The following DCN variants were observed in gnomAD, a reference collection of about 807,000 sequenced individuals.
DCN encodes bone proteoglycan II.
A neutral mutation model predicts 36.5 loss-of-function variants in DCN; 17 were observed. That is an observed-to-expected ratio of 0.47 (90% confidence interval 0.32 to 0.70). The LOEUF (loss-of-function observed/expected upper bound fraction) is 0.70. Among genes scored for constraint, DCN ranks in the 30% least tolerant of loss-of-function variants. The probability of loss-of-function intolerance (pLI) is 0.04; values close to 1 mark genes in which losing one functional copy is unlikely to be tolerated. For missense variants in DCN, 389 were observed against 430.1 expected (o/e 0.90, Z 0.84); for synonymous variants, 163 against 161.4 (o/e 1.01, Z -0.07).
intron 5 of DCN, among the ~76,000 whole-genome samples, chr12:91,156,473 G>C (rs1881777164): frequency 6.6e-6 from 1 of 152,140 alleles, no homozygotes. Context: ...CAGATAAAGA[G>C]ATAGAGGACA....
intron 6 of DCN, among the ~76,000 whole-genome samples, chr12:91,152,300 C>CATATATATATATATATATAT (rs139523647): frequency 3.4e-5 from 5 of 146,444 alleles, no homozygotes; most frequent in African/African-American, 1.3e-4. Flanking sequence ...CACACACATG[C>CATATATATATATATATATAT]ATATATATAT....
chr12:91,181,467 A>C (rs1868399656), intron 1 of DCN, among the ~76,000 whole-genome samples: 1 of 152,056 alleles, frequency 6.6e-6, no homozygotes, highest in Admixed American at 6.6e-5. Flanking sequence ...TATTGAGATG[A>C]TATGCTGTTT....
intron 2 of DCN, among the ~76,000 whole-genome samples, 191 bp downstream of exon 2, chr12:91,178,149 GGA>G (rs147689159): frequency 1.3e-5 from 2 of 151,320 alleles, no homozygotes; most frequent in African/African-American, 2.4e-5. Context: ...GGACAGAGAG[GGA>G]GAGAGAGAGA....
intron 2 of DCN, among the ~76,000 whole-genome samples, chr12:91,170,193 A>G (rs1882868566): frequency 6.6e-6 from 1 of 152,192 alleles, no homozygotes; most frequent in South Asian, 2.1e-4. Context: ...ATCTCCTACC[A>G]TAGTGCATAG....
chr12:91,168,195 G>A (rs981646596), intron 2 of DCN, among the ~76,000 whole-genome samples: 6 of 152,096 alleles, frequency 3.9e-5, no homozygotes, highest in South Asian at 2.1e-4. Flanking sequence ...CAGCTATTCC[G>A]TGAGCATATT....
chr12:91,179,762 C>T (rs1592712283), intron 1 of DCN: 1 of 152,130 alleles, frequency 6.6e-6, no homozygotes, highest in South Asian at 2.1e-4. Context: ...TTGAAAACCT[C>T]AACTTGGTAT....
intron 7 of DCN, among the ~76,000 whole-genome samples, chr12:91,149,005 G>A (rs1012336296): frequency 6.6e-6 from 1 of 152,068 alleles, no homozygotes; most frequent in African/African-American, 2.4e-5. Context: ...AGCAATTTAT[G>A]GTTAATATTG....
intron 7 of DCN, among the ~76,000 whole-genome samples, chr12:91,150,192 CT>C (rs1881312967): frequency 6.6e-6 from 1 of 152,140 alleles, no homozygotes; most frequent in Admixed American, 6.5e-5. Flanking sequence ...GGGTATAATA[CT>C]GTCATATGAC....
At chr12:91,171,677 G>A (rs748804446) in intron 2 of DCN, among the ~76,000 whole-genome samples, 8 of 152,166 alleles carry the variant, frequency 5.3e-5, no homozygotes, top group Non-Finnish European at 1.0e-4. Context: ...CCAAGCTTGT[G>A]GGCGACAGCA....
chr12:91,168,252 T>C (rs1882713466), intron 2 of DCN, among the ~76,000 whole-genome samples: 1 of 152,232 alleles, frequency 6.6e-6, no homozygotes, highest in South Asian at 2.1e-4. Flanking sequence ...ATGCATATTT[T>C]ATGTAAAACT....
intron 1 of DCN, chr12:91,180,630 T>C (rs1161003311): frequency 2.0e-5 from 3 of 152,218 alleles, no homozygotes; most frequent in Non-Finnish European, 4.4e-5. Context: ...TTATTCACAC[T>C]GCCACTTTAA....
chr12:91,178,499 C>T lies in DCN; in HGVS notation c.54G>A (p.Pro18=), dbSNP rs145597441. 537 of 1,613,706 alleles carry T rather than the reference C, an allele frequency of 3.3e-4. 2 individuals carry two copies. Among genetic ancestry groups the T allele is most frequent in the Middle Eastern group, 2.0e-3 (12 of 6,056 alleles). ...LLLAQVSWAG[P]FQQRGLFDFM... ...AGTCAAATAAGCCTCTCTGTTGAAACGGTCCAGCCCAGGAAACTTGTGCAA... is the reference window on the plus strand; with the variant it reads ...AGTCAAATAAGCCTCTCTGTTGAAATGGTCCAGCCCAGGAAACTTGTGCAA... Residue 18 remains proline (P), a synonymous_variant, in exon 2 of 8, where the codon CCG becomes CCA. Coordinates refer to ENST00000052754, the MANE Select transcript of DCN (RefSeq NM_001920.5).
chr12:91,182,419 A>C (rs1227435264), intron 1 of DCN, among the ~76,000 whole-genome samples: 1 of 152,156 alleles, frequency 6.6e-6, no homozygotes, highest in East Asian at 1.9e-4. Flanking sequence ...TTTTTTAAGA[A>C]GCATCTTTGC....
chr12:91,164,184 G>T (rs112040135), intron 3 of DCN, among the ~76,000 whole-genome samples: 1 of 151,934 alleles, frequency 6.6e-6, no homozygotes, highest in Non-Finnish European at 1.5e-5. Flanking sequence ...CATGGACACA[G>T]GAAGGGGAAT....
intron 2 of DCN, among the ~76,000 whole-genome samples, chr12:91,165,146 A>G (rs1348123237): frequency 6.6e-6 from 1 of 152,240 alleles, no homozygotes; most frequent in Non-Finnish European, 1.5e-5. Context: ...CATCAGTAAT[A>G]AAGATCTTTT....
intron 2 of DCN, 30 bp downstream of exon 2, chr12:91,178,312 G>T (rs771816792): frequency 1.3e-6 from 2 of 1,571,780 alleles, no homozygotes; most frequent in Non-Finnish European, 8.8e-7. Context: ...AACAAGTAAG[G>T]TAGGTAAAGA....
At chr12:91,154,271 G>C (rs2121189634) in intron 5 of DCN, among the ~76,000 whole-genome samples, 1 of 152,194 alleles carries the variant, frequency 6.6e-6, no homozygotes, top group Admixed American at 6.5e-5. Context: ...GCTAGGAAAA[G>C]GAACATCTAT....
intron 2 of DCN, among the ~76,000 whole-genome samples, chr12:91,166,903 A>G (rs1882608320): frequency 6.6e-6 from 1 of 151,972 alleles, no homozygotes; most frequent in Non-Finnish European, 1.5e-5. Context: ...TATTGGGGGG[A>G]TTTCACATAT....
chr12:91,172,670 A>G, intron 2 of DCN: 2 of 663,690 alleles, frequency 3.0e-6, no homozygotes, highest in East Asian at 2.8e-5. Flanking sequence ...TCAATCAGGC[A>G]TGTTCCCTTC....
Sources: gnomAD v4.1 joint callset for allele counts (sites outside exome capture counted in the v4.1 genomes callset) on GRCh38, gnomAD v4.1.1 for gene constraint, MANE v1.5 for transcripts, NCBI Gene and HGNC (gene_info 2026-07-23, HGNC 2026-07-21) for gene names.